The following PHKB variants were observed in gnomAD, a reference collection of about 807,000 sequenced individuals.
PHKB encodes the protein phosphorylase b kinase regulatory subunit beta.
Under a neutral mutation model 152.1 loss-of-function variants are expected in PHKB, and 122 were observed. The ratio of observed to expected loss-of-function variants is 0.80; its 90% CI spans 0.69 to 0.93. PHKB has a LOEUF of 0.93. Among genes scored for constraint, PHKB ranks in the 40% least tolerant of loss-of-function variants. PHKB has a pLI of 0.00. For missense variants in PHKB, 1,304 were observed against 1,328.4 expected, an observed-to-expected ratio of 0.98 and a Z score of 0.29; for synonymous variants, 436 against 464.9, an observed-to-expected ratio of 0.94 and a Z score of 0.80.
At chr16:47,673,802 C>T (rs1191830035) in intron 26 of PHKB, among the ~76,000 whole-genome samples, 3 of 152,244 alleles carry the variant, frequency 2.0e-5, no homozygotes, top group Non-Finnish European at 4.4e-5. Flanking sequence ...AAAAATTCTT[C>T]ACATATATTA....
chr16:47,658,049 A>T lies in PHKB; in HGVS notation c.1972-2457A>T, dbSNP rs544799813. Among the ~76,000 whole-genome samples the T allele has an allele frequency of 2.4e-3, 359 of 152,230 alleles. 1 individual carries two copies. Among genetic ancestry groups the T allele is most frequent in the Admixed American group, 5.9e-3 (90 of 15,292 alleles). On this transcript the variant is annotated intron_variant, in intron 20 of 30. Coordinates refer to ENST00000323584, the MANE Select transcript of PHKB (RefSeq NM_000293.3). The stretch of plus-strand genomic sequence containing the variant: ...GGTCATATATCATAAGCCTCCAATG[A>T]CTTCCTCTCTCACACAAAGTGGAAA...
intron 1 of PHKB, among the ~76,000 whole-genome samples, chr16:47,464,897 G>A (rs953910044): frequency 2.0e-5 from 3 of 152,144 alleles, no homozygotes; most frequent in Non-Finnish European, 4.4e-5. Context: ...TCAAGCCTCA[G>A]GACTCATGAA....
chr16:47,698,963 C>T (rs1363726953), intron 30 of PHKB, among the ~76,000 whole-genome samples: 1 of 152,052 alleles, frequency 6.6e-6, no homozygotes, highest in Non-Finnish European at 1.5e-5. Flanking sequence ...TAGGCCCTTC[C>T]AGGTTCTCTG....
intron 5 of PHKB, among the ~76,000 whole-genome samples, chr16:47,512,778 C>T (rs1970532032): frequency 6.6e-6 from 1 of 152,112 alleles, no homozygotes; most frequent in Non-Finnish European, 1.5e-5. Context: ...ATTTTCTGCT[C>T]ATCATTTGGT....
intron 1 of PHKB, among the ~76,000 whole-genome samples, chr16:47,480,946 A>C (rs1177666403): frequency 6.6e-6 from 1 of 152,186 alleles, no homozygotes; most frequent in East Asian, 1.9e-4. Context: ...AAGAATGCCT[A>C]TTATAGCTTT....
At chr16:47,676,592 T>C (rs986990974) in intron 26 of PHKB, among the ~76,000 whole-genome samples, 7 of 152,204 alleles carry the variant, frequency 4.6e-5, no homozygotes, top group Admixed American at 2.6e-4. Flanking sequence ...TTATTTGCAT[T>C]ACCCACTACT....
At chr16:47,488,227 A>G (rs1970082903) in intron 1 of PHKB, among the ~76,000 whole-genome samples, 1 of 152,152 alleles carries the variant, frequency 6.6e-6, no homozygotes, top group Non-Finnish European at 1.5e-5. Flanking sequence ...TGTTGGCTGC[A>G]TGTATCTCTT....
At chr16:47,508,904 T>C (rs1454053865) in intron 4 of PHKB, among the ~76,000 whole-genome samples, 1 of 152,212 alleles carries the variant, frequency 6.6e-6, no homozygotes, top group Non-Finnish European at 1.5e-5. Context: ...TGTCTTTTAA[T>C]GGCTTTAAAA....
rs774082644 is a variant in PHKB, at chr16:47,650,873, T to C, written c.1923T>C (p.Leu641=). Residue 641 remains leucine (L), a synonymous_variant, in exon 20 of 31, where the codon CTT becomes CTC. Coordinates refer to ENST00000323584, the MANE Select transcript of PHKB (RefSeq NM_000293.3). Reference sequence around the variant, plus strand: ...CCATATTAGATATGCTGGCAGCCCTTAAAAAAGGAATAATTGGAGGAGTCA... The same window carrying C: ...CCATATTAGATATGCTGGCAGCCCTCAAAAAAGGAATAATTGGAGGAGTCA... ...FNPILDMLAA[L]KKGIIGGVKV... is the part of the protein sequence containing the mutation. The C allele has an allele frequency of 1.9e-6, 3 of 1,613,840 alleles. No individual in the cohort carries two copies. Among genetic ancestry groups the C allele is most frequent in the Non-Finnish European group, 2.5e-6 (3 of 1,179,780 alleles).
intron 15 of PHKB, 48 bp downstream of exon 15, chr16:47,641,138 G>A (rs1414238604): frequency 1.5e-6 from 2 of 1,343,904 alleles, no homozygotes; most frequent in African/African-American, 1.4e-5. Context: ...GAGGGGAGGG[G>A]AGGGGAAATG....
In PHKB at chr16:47,607,268, A is replaced by G. The variant is rs149501685; in HGVS notation, c.1364-3558A>G. On this transcript the variant is annotated intron_variant, in intron 13 of 30. Transcript: ENST00000323584. ...AACCATCACTGCCATCAGTTTTACA[A>G]TGTTTTCATCATCTCCCTGCCAAAA... 9.5e-4 allele frequency among the ~76,000 whole-genome samples: 145 copies of G among 152,172 alleles called. 1 individual carries two copies. Among genetic ancestry groups the G allele is most frequent in the African/African-American group, 3.2e-3 (131 of 41,528 alleles).
At chr16:47,635,492 A>G (rs1477547811) in intron 14 of PHKB, among the ~76,000 whole-genome samples, 2 of 152,116 alleles carry the variant, frequency 1.3e-5, no homozygotes, top group Non-Finnish European at 2.9e-5. Context: ...TGACTTACAC[A>G]TTTTTTGGCC....
At chr16:47,664,029 A>G in intron 24 of PHKB, 1 of 397,942 alleles carries the variant, frequency 2.5e-6, no homozygotes, top group Non-Finnish European at 4.5e-6. Flanking sequence ...AAGGTGCTTT[A>G]AGTTCTGTTT....
At chr16:47,511,572 C>A in intron 4 of PHKB, 93 bp from the exon 5 acceptor site, 1 of 905,218 alleles carries the variant, frequency 1.1e-6, no homozygotes, top group South Asian at 1.3e-5. Flanking sequence ...TAGCTTTGTT[C>A]ATTAAAAAGT....
At chr16:47,561,748 T>C (rs1971479504) in intron 7 of PHKB, 1 of 152,204 alleles carries the variant, frequency 6.6e-6, no homozygotes, top group Admixed American at 6.5e-5. Context: ...CACCAAGCCA[T>C]TCATCATAGA....
At chr16:47,625,677 G>A (rs932886408) in intron 14 of PHKB, among the ~76,000 whole-genome samples, 2 of 152,100 alleles carry the variant, frequency 1.3e-5, no homozygotes, top group Non-Finnish European at 1.5e-5. Context: ...TCTGTCTTCA[G>A]TTACTCTAAT....
At chr16:47,554,808 C>T (rs535115968) in intron 7 of PHKB, among the ~76,000 whole-genome samples, 9 of 152,236 alleles carry the variant, frequency 5.9e-5, no homozygotes, top group South Asian at 2.1e-4. Flanking sequence ...GGAGAGGCGA[C>T]GCCCCACCCT....
chr16:47,581,538 C>T (rs538612417), intron 8 of PHKB, among the ~76,000 whole-genome samples: 1 of 152,314 alleles, frequency 6.6e-6, no homozygotes, highest in African/African-American at 2.4e-5. Flanking sequence ...TTAACTAAGC[C>T]TCAGCTTCCT....
In PHKB at chr16:47,665,146, G is replaced by C; in HGVS notation, c.2427+171G>C. ...TAGTTATTGACTTAATTTTCTTTTA[G>C]TCATCTATGTTGAAATTAAGGAATA... On this transcript the variant is annotated intron_variant, in intron 25 of 30. Transcript: ENST00000323584. 2.4e-5 allele frequency: 15 copies of C among 617,702 alleles called. No individual in the cohort carries two copies. The South Asian group carries it at 2.8e-4, about 12-fold the overall frequency. 38.3% of individuals were successfully genotyped at this position (617,702 alleles called of 1,614,324 possible). A position where few individuals can be genotyped will look rare whatever the true frequency, so the allele number is the denominator to read the frequency against.
Sources: gnomAD v4.1 joint callset for allele counts (sites outside exome capture counted in the v4.1 genomes callset) on GRCh38, gnomAD v4.1.1 for gene constraint, MANE v1.5 for transcripts, NCBI Gene and HGNC (gene_info 2026-07-23, HGNC 2026-07-21) for gene names.